The following SLC16A12 variants were observed in gnomAD, a reference collection of about 807,000 sequenced individuals.
SLC16A12 encodes solute carrier family 16 member 12, also known as monocarboxylate transporter 12.
A neutral mutation model predicts 42.4 loss-of-function variants in SLC16A12; 17 were observed. The ratio of observed to expected loss-of-function variants is 0.40; its 90% CI spans 0.27 to 0.60. The LOEUF (loss-of-function observed/expected upper bound fraction) is 0.60. Ranked by LOEUF, SLC16A12 falls within the 20% of genes least tolerant of loss-of-function variation. SLC16A12 has a pLI of 0.42. For missense variants in SLC16A12, 544 were observed against 623.0 expected, an observed-to-expected ratio of 0.87 and a Z score of 1.35; for synonymous variants, 224 against 229.4, an observed-to-expected ratio of 0.98 and a Z score of 0.21.
intron 2 of SLC16A12, among the ~76,000 whole-genome samples, chr10:89,472,197 A>T (rs912670544): frequency 1.3e-5 from 2 of 152,172 alleles, no homozygotes; most frequent in African/African-American, 4.8e-5. Flanking sequence ...ATTAGAAATT[A>T]AAAAGTTTTA....
rs1841715274 is a variant in SLC16A12 at position 89,432,924 on chromosome 10, T to C, written c.*140A>G. 2 of 1,189,498 alleles carry C rather than the reference T, an allele frequency of 1.7e-6. No homozygotes were observed. The highest frequency in any genetic ancestry group is 2.7e-5 in the Admixed American group (1 of 36,504). The allele number at this position is 1,189,498 out of a possible 1,614,324, so 73.7% of individuals were successfully genotyped here. On this transcript the variant is annotated 3_prime_UTR_variant, in exon 8 of 8. Transcript: ENST00000371790. Reference sequence around the variant, plus strand: ...ATTATGTGCTGTTTTCCCTTATAAATATTAATATGTTAACAAAACAATAAT... The same window carrying C: ...ATTATGTGCTGTTTTCCCTTATAAACATTAATATGTTAACAAAACAATAAT...
intron 2 of SLC16A12, among the ~76,000 whole-genome samples, chr10:89,523,505 A>C (rs1380892368): frequency 6.6e-6 from 1 of 152,158 alleles, no homozygotes; most frequent in Non-Finnish European, 1.5e-5. Flanking sequence ...CTCTGTCATG[A>C]CTAAAACTTG....
intron 2 of SLC16A12, among the ~76,000 whole-genome samples, chr10:89,541,168 C>T (rs1003456826): frequency 2.0e-5 from 3 of 151,892 alleles, no homozygotes; most frequent in Non-Finnish European, 2.9e-5. Flanking sequence ...CCTCGTGATC[C>T]GCCCGCCTCG....
intron 2 of SLC16A12, among the ~76,000 whole-genome samples, chr10:89,542,358 A>G (rs921017796): frequency 6.9e-6 from 1 of 144,046 alleles, no homozygotes; most frequent in African/African-American, 2.6e-5. Flanking sequence ...GCTGGAGTGC[A>G]GTGGTGTGAT....
At chr10:89,537,198 G>T (rs1843680296), upstream of SLC16A12, among the ~76,000 whole-genome samples, 1 of 137,092 alleles carries the variant, frequency 7.3e-6, no homozygotes, top group East Asian at 2.2e-4. Context: ...GTTTTCTAAA[G>T]AAGGGATTTC....
At chr10:89,453,874 C>G (rs1842135052) in intron 3 of SLC16A12, among the ~76,000 whole-genome samples, 1 of 152,058 alleles carries the variant, frequency 6.6e-6, no homozygotes, top group South Asian at 2.1e-4. Context: ...TGGCTTCTAC[C>G]CAAAATGTCT....
At chr10:89,490,783 C>T (rs1252763365) in intron 2 of SLC16A12, among the ~76,000 whole-genome samples, 1 of 152,184 alleles carries the variant, frequency 6.6e-6, no homozygotes, top group South Asian at 2.1e-4. Context: ...CAACCTTCGG[C>T]CCCTCTCTAC....
At chr10:89,443,243 G>C (rs1389986237) in intron 4 of SLC16A12, among the ~76,000 whole-genome samples, 2 of 152,138 alleles carry the variant, frequency 1.3e-5, no homozygotes, top group Non-Finnish European at 2.9e-5. Context: ...ATATGAAAAA[G>C]ATGAAATCCA....
At chr10:89,439,226 C>T in intron 5 of SLC16A12, 43 bp from the exon 6 acceptor site, 1 of 1,552,560 alleles carries the variant, frequency 6.4e-7, no homozygotes. Context: ...GTACCATAAA[C>T]AGCCAATGAT....
intron 3 of SLC16A12, among the ~76,000 whole-genome samples, chr10:89,445,889 A>C (rs1224904589): frequency 1.3e-5 from 2 of 152,220 alleles, no homozygotes; most frequent in African/African-American, 4.8e-5. Flanking sequence ...TAATTAGAAT[A>C]AACAGCATAG....
intron 2 of SLC16A12, among the ~76,000 whole-genome samples, chr10:89,532,211 C>T (rs750569559): frequency 6.6e-6 from 1 of 152,158 alleles, no homozygotes; most frequent in Non-Finnish European, 1.5e-5. Context: ...TACCTGGCTA[C>T]AGCAATTAAC....
At chr10:89,449,876 A>G (rs1842064632) in intron 3 of SLC16A12, among the ~76,000 whole-genome samples, 1 of 152,260 alleles carries the variant, frequency 6.6e-6, no homozygotes, top group African/African-American at 2.4e-5. Context: ...AACGGCTAAT[A>G]TCCAGAATCT....
chr10:89,501,824 C>T (rs917538088), intron 2 of SLC16A12, among the ~76,000 whole-genome samples: 1 of 152,186 alleles, frequency 6.6e-6, no homozygotes, highest in Non-Finnish European at 1.5e-5. Flanking sequence ...GAAGTTGTCT[C>T]ATTTGCTCAT....
Position 89,513,175 on chromosome 10 carries a change from T to TA in SLC16A12, c.-47+21325dup, listed in dbSNP as rs998051554. 2.4e-3 allele frequency among the ~76,000 whole-genome samples: 368 copies of TA among 151,524 alleles called. 1 individual carries two copies. Among genetic ancestry groups the TA allele is most frequent in the African/African-American group, 7.8e-3 (322 of 41,314 alleles). On this transcript the variant is annotated intron_variant, in intron 2 of 7. Transcript: ENST00000371790. Reference sequence around the variant, plus strand: ...ATGTTATGTACACTTAACCATAATTTAAAAAAAAATGAAACCGCGATCATT... The same window carrying TA: ...ATGTTATGTACACTTAACCATAATTTAAAAAAAAAATGAAACCGCGATCATT...
rs371660297 is a variant in SLC16A12, at chr10:89,517,748, T to C, written c.-47+16753A>G. 1.1e-4 allele frequency among the ~76,000 whole-genome samples: 16 copies of C among 152,308 alleles called. No individual in the cohort carries two copies. In the East Asian group the frequency reaches 3.1e-3, roughly 29 times the overall value. ...GCAGTTTTCTGATTCTTGATATTTA[T>C]ATAAAACTTCACAGTTCACAGGAGG... On this transcript the variant is annotated intron_variant, in intron 2 of 7. Coordinates refer to ENST00000371790, the MANE Select transcript of SLC16A12 (RefSeq NM_213606.4).
intron 3 of SLC16A12, among the ~76,000 whole-genome samples, chr10:89,457,303 T>C (rs1049151609): frequency 1.3e-5 from 2 of 151,840 alleles, no homozygotes; most frequent in African/African-American, 2.4e-5. Context: ...ACAACCCCAT[T>C]AAAAAGTGGG....
chr10:89,550,612 T>C lies in SLC16A12; in HGVS notation c.-47+5270A>G, dbSNP rs144383987. On this transcript the variant is annotated intron_variant, in intron 2 of 2. Transcript: ENST00000475682. The stretch of plus-strand genomic sequence containing the variant: ...TAGTTCCCAAAGCACTAAAACAAAA[T>C]CTAAACTCCTCTGACCATGGCCCAT... 3.4e-4 allele frequency among the ~76,000 whole-genome samples: 52 copies of C among 152,018 alleles called. 1 individual carries two copies. Among genetic ancestry groups the C allele is most frequent in the African/African-American group, 1.3e-3 (52 of 41,508 alleles).
chr10:89,493,290 T>G (rs1163512091), intron 2 of SLC16A12, among the ~76,000 whole-genome samples: 1 of 151,390 alleles, frequency 6.6e-6, no homozygotes, highest in African/African-American at 2.4e-5. Context: ...TGGCCCAATC[T>G]CAGCTCACTG....
rs1843617828 is a variant in SLC16A12, at chr10:89,534,640, T to G, written c.-186A>C. Reference sequence around the variant, plus strand: ...CCGGCCAATATGTCGAAATCCTGTATCTGCAAAAAAAAAAAAAAAAAAAAA... The same window carrying G: ...CCGGCCAATATGTCGAAATCCTGTAGCTGCAAAAAAAAAAAAAAAAAAAAA... On this transcript the variant is annotated splice_region_variant and 5_prime_UTR_variant, in exon 2 of 8. Transcript: ENST00000371790. 1 of 68,944 alleles carries G rather than the reference T, an allele frequency of 1.5e-5. No individual in the cohort carries two copies. Among genetic ancestry groups the G allele is most frequent in the Admixed American group, 2.1e-4 (1 of 4,812 alleles). 4.3% of individuals were successfully genotyped at this position (68,944 alleles called of 1,614,324 possible).
Sources: gnomAD v4.1 joint callset for allele counts (sites outside exome capture counted in the v4.1 genomes callset) on GRCh38, gnomAD v4.1.1 for gene constraint, MANE v1.5 for transcripts, NCBI Gene and HGNC (gene_info 2026-07-23, HGNC 2026-07-21) for gene names.